The following NPTXR variants were observed in gnomAD, a reference collection of about 807,000 sequenced individuals.
NPTXR encodes the protein neuronal pentraxin receptor.
A neutral mutation model predicts 32.2 loss-of-function variants in NPTXR; 12 were observed. The ratio of observed to expected loss-of-function variants is 0.37; its 90% CI spans 0.24 to 0.60. The LOEUF is 0.60. NPTXR is among the 20% of genes least tolerant of loss of function. NPTXR has a pLI of 0.66. For synonymous variants in NPTXR, 323 were observed against 315.8 expected, an observed-to-expected ratio of 1.02 and a Z score of -0.24; for missense variants, 612 against 682.9, an observed-to-expected ratio of 0.90 and a Z score of 1.16.
intron 1 of NPTXR, among the ~76,000 whole-genome samples, chr22:38,836,880 T>A (rs1014033804): frequency 1.3e-5 from 2 of 152,184 alleles, no homozygotes; most frequent in African/African-American, 4.8e-5. Flanking sequence ...AGTGGTGCAA[T>A]CTCAGCTCAC....
Position 38,843,331 on chromosome 22 carries a change from G to T in NPTXR, c.528C>A (p.Arg176=). 1 of 1,418,914 alleles carries T rather than the reference G, an allele frequency of 7.0e-7. No homozygotes were observed. The highest frequency in any genetic ancestry group is 9.1e-7 in the Non-Finnish European group (1 of 1,094,358). The allele number at this position is 1,418,914 out of a possible 1,614,324, so 87.9% of individuals were successfully genotyped here. A position where few individuals can be genotyped will look rare whatever the true frequency, so the allele number is the denominator to read the frequency against. ...CCCAGGGCCCGTCGGCCATGGTGTC[G>T]CGGCGGGGCCCGGCGCCCTGGAGGC... The change falls in exon 1 of 5, where the codon CGC becomes CGA. Residue 176 remains arginine, a synonymous_variant. Coordinates refer to ENST00000333039, the MANE Select transcript of NPTXR (RefSeq NM_014293.4). This position sits in a 1 kb window ranked among gnomAD's most constrained non-coding sequence, Gnocchi z 5.3.
intron 3 of NPTXR, among the ~76,000 whole-genome samples, chr22:38,825,859 T>C (rs2093105661): frequency 6.9e-6 from 1 of 145,740 alleles, no homozygotes. Flanking sequence ...TTTTTTTTTT[T>C]TGACACAGAG....
At chr22:38,835,151 G>T (rs2093122077) in intron 1 of NPTXR, among the ~76,000 whole-genome samples, 2 of 152,368 alleles carry the variant, frequency 1.3e-5, no homozygotes, top group South Asian at 4.1e-4. Context: ...CAAGTGCCAG[G>T]TGCTGTGGCC....
At chr22:38,837,669 C>T (rs1053289094) in intron 1 of NPTXR, among the ~76,000 whole-genome samples, 1 of 152,034 alleles carries the variant, frequency 6.6e-6, no homozygotes, top group Non-Finnish European at 1.5e-5. Flanking sequence ...AAGCCTTCTG[C>T]CCAAGAACTC....
At chr22:38,836,113 G>A (rs770966668) in intron 1 of NPTXR, among the ~76,000 whole-genome samples, 2 of 152,172 alleles carry the variant, frequency 1.3e-5, no homozygotes, top group Non-Finnish European at 2.9e-5. Context: ...CACGCCCACC[G>A]AAACGGGAAT....
rs1432137721 is a variant in NPTXR, at chr22:38,843,242, C to A, written c.617G>T (p.Arg206Leu). The A allele has an allele frequency of 6.5e-6, 9 of 1,389,704 alleles. No homozygotes were observed. Among genetic ancestry groups the A allele is most frequent in the Non-Finnish European group, 8.4e-6 (9 of 1,077,134 alleles). The allele number at this position is 1,389,704 out of a possible 1,614,324, so 86.1% of individuals were successfully genotyped here. The change falls in exon 1 of 5, where the codon CGC (arginine) becomes CTC (leucine). Residue 206 changes from arginine to leucine, a missense_variant. Transcript: ENST00000333039. This position sits in a 1 kb window ranked among gnomAD's most constrained non-coding sequence, Gnocchi z 5.3. ...ACGGCGCGCGGCGCTCACCTCCAGG[C>A]GGTCGATGCGGTCCCGCAGGGCGCG... is the stretch of plus-strand genomic sequence containing the variant.
intron 2 of NPTXR, 35 bp from the exon 3 acceptor site, chr22:38,826,782 G>A (rs1403739261): frequency 6.3e-7 from 1 of 1,592,532 alleles, no homozygotes. Flanking sequence ...GTGGAGGTCG[G>A]TGGACACCGA....
At chr22:38,826,047 G>A (rs769044485) in intron 3 of NPTXR, among the ~76,000 whole-genome samples, 23 of 152,104 alleles carry the variant, frequency 1.5e-4, no homozygotes, top group Non-Finnish European at 2.9e-4. Context: ...GTTTCACCAT[G>A]TTAGCCAGGA....
At chr22:38,831,371 C>CA (rs1300599079) in intron 1 of NPTXR, among the ~76,000 whole-genome samples, 1 of 152,160 alleles carries the variant, frequency 6.6e-6, no homozygotes, top group Non-Finnish European at 1.5e-5. Context: ...CATACCACTG[C>CA]ACTCCAGCCT....
At chr22:38,839,795 A>G (rs1049400618) in intron 1 of NPTXR, among the ~76,000 whole-genome samples, 7 of 152,224 alleles carry the variant, frequency 4.6e-5, no homozygotes, top group African/African-American at 1.7e-4. Flanking sequence ...CATCTGGAAG[A>G]AAAATAATTA....
At chr22:38,827,283 G>A (rs1321189795) in intron 2 of NPTXR, among the ~76,000 whole-genome samples, 3 of 142,440 alleles carry the variant, frequency 2.1e-5, no homozygotes, top group African/African-American at 7.8e-5. Flanking sequence ...TTTTTGAGAC[G>A]GAGTTTCCCT....
chr22:38,832,831 G>A (rs1353169273), intron 1 of NPTXR, among the ~76,000 whole-genome samples: 1 of 151,908 alleles, frequency 6.6e-6, no homozygotes, highest in Non-Finnish European at 1.5e-5. Context: ...TGGTTGCCCT[G>A]CCTAACTCGA....
Position 38,822,837 on chromosome 22 carries a change from G to A in NPTXR, c.1279-4C>T, listed in dbSNP as rs2093100302. ...CAAACCGGCCACCCAGGGTATCCTGGGCCAAGACAGCAGCAGAGAAAGGAG... is the reference window on the plus strand; with the variant it reads ...CAAACCGGCCACCCAGGGTATCCTGAGCCAAGACAGCAGCAGAGAAAGGAG... On this transcript the variant is annotated splice_polypyrimidine_tract_variant and splice_region_variant and intron_variant, in intron 4 of 4. Transcript: ENST00000333039. 1 of 1,612,350 alleles carries A rather than the reference G, an allele frequency of 6.2e-7. No individual in the cohort carries two copies. Among genetic ancestry groups the A allele is most frequent in the African/African-American group, 1.3e-5 (1 of 74,856 alleles).
At chr22:38,841,209 C>T (rs2093131142) in intron 1 of NPTXR, among the ~76,000 whole-genome samples, 1 of 152,258 alleles carries the variant, frequency 6.6e-6, no homozygotes, top group Non-Finnish European at 1.5e-5. Context: ...AAAAGACTAG[C>T]TGTGGCTGTT....
intron 1 of NPTXR, among the ~76,000 whole-genome samples, chr22:38,832,771 CACA>C: frequency 6.6e-6 from 1 of 152,156 alleles, no homozygotes; most frequent in South Asian, 2.1e-4. Context: ...TCCTCAGGCT[CACA>C]CTGATGGTCT....
Position 38,822,659 on chromosome 22 carries a change from C to G in NPTXR, c.1453G>C (p.Gly485Arg). The stretch of plus-strand genomic sequence containing the variant: ...ACATCGAAGGCAGCCTTTGTTGCAC[C>G]CCCAAAGGCCTCCACCAACTTGTCT... Residue 485 changes from glycine (G) to arginine (R), a missense_variant, in exon 5 of 5, where the codon GGT (glycine) becomes CGT (arginine). Gly to Arg is a moderately radical substitution (Grantham distance 125). Coordinates refer to ENST00000333039, the MANE Select transcript of NPTXR (RefSeq NM_014293.4). 1.2e-6 allele frequency: 2 copies of G among 1,614,008 alleles called. No individual in the cohort carries two copies. The highest frequency in any genetic ancestry group is 4.5e-5 in the East Asian group (2 of 44,880).
chr22:38,840,826 G>A (rs1160717344), intron 1 of NPTXR, among the ~76,000 whole-genome samples: 1 of 152,096 alleles, frequency 6.6e-6, no homozygotes, highest in Non-Finnish European at 1.5e-5. Flanking sequence ...TAAAGGAGGA[G>A]GACCCTGCAA....
intron 3 of NPTXR, 121 bp downstream of exon 3, chr22:38,826,379 A>C (rs1430439428): frequency 8.2e-7 from 1 of 1,213,660 alleles, no homozygotes; most frequent in Non-Finnish European, 1.2e-6. Context: ...GTAGGTACTT[A>C]ATGTGTGCTG....
intron 1 of NPTXR, among the ~76,000 whole-genome samples, chr22:38,841,638 A>T (rs778585816): frequency 3.3e-5 from 5 of 152,276 alleles, no homozygotes; most frequent in African/African-American, 4.8e-5. Flanking sequence ...GTATTTTAAA[A>T]ATGAGTAATA....
Sources: gnomAD v4.1 joint callset for allele counts (sites outside exome capture counted in the v4.1 genomes callset) on GRCh38, gnomAD v4.1.1 for gene constraint, Gnocchi (gnomAD v3.1) non-coding constraint, MANE v1.5 for transcripts, NCBI Gene and HGNC (gene_info 2026-07-23, HGNC 2026-07-21) for gene names.